KCND2: variants seen among roughly 807,000 people sequenced by gnomAD.
KCND2 encodes the protein A-type voltage-gated potassium channel KCND2.
A neutral mutation model predicts 54.4 loss-of-function variants in KCND2; 16 were observed. The ratio of observed to expected loss-of-function variants is 0.29; its 90% CI spans 0.20 to 0.45. KCND2 has a LOEUF of 0.45. Among genes scored for constraint, KCND2 ranks in the 20% least tolerant of loss-of-function variants. KCND2 has a pLI of 1.00. For missense variants in KCND2, 486 were observed against 824.2 expected (o/e 0.59, Z 5.02); for synonymous variants, 317 against 310.7 (o/e 1.02, Z -0.21).
chr7:120,273,925 A>G lies in KCND2; in HGVS notation c.-708A>G, dbSNP rs3735340. ...GATTGGGCGAACGCTTTTGGCAGACACAGAGGGTGTTTGTAGACGTGGGGG... is the reference window on the plus strand; with the variant it reads ...GATTGGGCGAACGCTTTTGGCAGACGCAGAGGGTGTTTGTAGACGTGGGGG... On this transcript the variant is annotated 5_prime_UTR_variant, in exon 1 of 6. Transcript: ENST00000331113. 10,895 of 153,254 alleles carry G rather than the reference A, an allele frequency of 0.071. 821 individuals are homozygous for G. The highest frequency in any genetic ancestry group is 0.19 in the African/African-American group (7,757 of 41,528). The allele number at this position is 153,254 out of a possible 1,614,324, so 9.5% of individuals were successfully genotyped here.
At chr7:120,361,449 A>G (rs1800591831) in intron 1 of KCND2, among the ~76,000 whole-genome samples, 1 of 151,640 alleles carries the variant, frequency 6.6e-6, no homozygotes, top group African/African-American at 2.4e-5. Flanking sequence ...ACATAAGTCA[A>G]TTTCTCAGTA....
intron 1 of KCND2, among the ~76,000 whole-genome samples, chr7:120,479,441 A>G (rs945756521): frequency 6.6e-6 from 1 of 151,900 alleles, no homozygotes; most frequent in African/African-American, 2.4e-5. Flanking sequence ...TTTGACATTA[A>G]GGTGAAAATT....
At chr7:120,738,231 G>C (rs552088844) in intron 2 of KCND2, among the ~76,000 whole-genome samples, 18 of 152,134 alleles carry the variant, frequency 1.2e-4, no homozygotes, top group African/African-American at 4.3e-4. Flanking sequence ...GTCATATGGT[G>C]TGAGGAACCC....
At chr7:120,360,665 G>A (rs1201878356) in intron 1 of KCND2, among the ~76,000 whole-genome samples, 4 of 151,902 alleles carry the variant, frequency 2.6e-5, no homozygotes, top group Non-Finnish European at 5.9e-5. Context: ...TGTATTTTGG[G>A]TATTTTTCTT....
intron 1 of KCND2, among the ~76,000 whole-genome samples, chr7:120,639,667 T>C (rs988644024): frequency 1.3e-5 from 2 of 152,192 alleles, no homozygotes; most frequent in Non-Finnish European, 2.9e-5. Context: ...TATGCTAATA[T>C]TGAGTAGCAT....
At chr7:120,567,846 G>T (rs774915771) in intron 1 of KCND2, among the ~76,000 whole-genome samples, 6 of 152,078 alleles carry the variant, frequency 3.9e-5, no homozygotes, top group Admixed American at 1.3e-4. Context: ...AATAAAATTA[G>T]ATATTTGTAG....
intron 1 of KCND2, among the ~76,000 whole-genome samples, chr7:120,660,745 C>G (rs544117288): frequency 6.6e-6 from 1 of 152,240 alleles, no homozygotes; most frequent in African/African-American, 2.4e-5. Context: ...TCAAGGAATA[C>G]AGTGCTCTTG....
intron 1 of KCND2, among the ~76,000 whole-genome samples, chr7:120,682,795 A>C (rs1000601624): frequency 6.6e-6 from 1 of 152,158 alleles, no homozygotes; most frequent in Non-Finnish European, 1.5e-5. Context: ...CTCTCTTAAC[A>C]AGAACTCTGA....
chr7:120,275,631 G>A lies in KCND2; in HGVS notation c.999G>A (p.Met333Ile). 1 of 1,609,756 alleles carries A rather than the reference G, an allele frequency of 6.2e-7. No individual in the cohort carries two copies. Among genetic ancestry groups the A allele is most frequent in the Non-Finnish European group, 8.5e-7 (1 of 1,179,982 alleles). ...GCTTCTTGCTTTTCTCGCTCACCAT[G>A]GCTATCATCATCTTCGCTACAGTTA... ...ELGFLLFSLT[M>I]AIIIFATVMF... The change falls in exon 1 of 6, where the codon ATG (methionine) becomes ATA (isoleucine). Residue 333 changes from methionine (M) to isoleucine (I), a missense_variant. This residue lies in a region of KCND2 where 12 missense variants were observed against 67.0 expected (regional missense o/e 0.18). Coordinates refer to ENST00000331113, the MANE Select transcript of KCND2 (RefSeq NM_012281.3).
At chr7:120,384,736 G>GA (rs1281398654) in intron 1 of KCND2, among the ~76,000 whole-genome samples, 1 of 152,020 alleles carries the variant, frequency 6.6e-6, no homozygotes, top group Non-Finnish European at 1.5e-5. Context: ...TATTTTGAAG[G>GA]AAAAAATCCA....
chr7:120,475,343 T>C (rs1802518366), intron 1 of KCND2, among the ~76,000 whole-genome samples: 2 of 152,236 alleles, frequency 1.3e-5, no homozygotes, highest in South Asian at 4.1e-4. Context: ...ATGCACATTG[T>C]ACTTTTCATC....
chr7:120,747,203 T>G (rs1793018069), intron 5 of KCND2, among the ~76,000 whole-genome samples: 1 of 152,102 alleles, frequency 6.6e-6, no homozygotes, highest in Non-Finnish European at 1.5e-5. Context: ...ATTTTTTTAT[T>G]TCTGTAATAT....
At chr7:120,727,003 G>A (rs1792741579) in intron 1 of KCND2, among the ~76,000 whole-genome samples, 1 of 152,128 alleles carries the variant, frequency 6.6e-6, no homozygotes, top group Non-Finnish European at 1.5e-5. Flanking sequence ...TCAATTACAT[G>A]ACTTTTGTTT....
intron 1 of KCND2, among the ~76,000 whole-genome samples, chr7:120,350,906 CA>C (rs1800390343): frequency 6.6e-6 from 1 of 151,956 alleles, no homozygotes; most frequent in East Asian, 1.9e-4. Flanking sequence ...AACTGAAACA[CA>C]AAAATAAGTC....
chr7:120,415,073 C>T (rs1801506345), intron 1 of KCND2, among the ~76,000 whole-genome samples: 1 of 152,156 alleles, frequency 6.6e-6, no homozygotes, highest in South Asian at 2.1e-4. Flanking sequence ...TAGCTAGTAA[C>T]AATAACAATG....
intron 1 of KCND2, among the ~76,000 whole-genome samples, chr7:120,642,919 A>G (rs933951271): frequency 1.3e-5 from 2 of 152,198 alleles, no homozygotes; most frequent in Non-Finnish European, 2.9e-5. Context: ...TTTTTCCACA[A>G]CATGTATCAG....
intron 1 of KCND2, among the ~76,000 whole-genome samples, chr7:120,443,059 G>A (rs1801965568): frequency 6.6e-6 from 1 of 152,016 alleles, no homozygotes; most frequent in Admixed American, 6.6e-5. Flanking sequence ...CTGGGCTGGT[G>A]CCTTCTAGTC....
chr7:120,292,834 A>G (rs910259386), intron 1 of KCND2, among the ~76,000 whole-genome samples: 1 of 151,812 alleles, frequency 6.6e-6, no homozygotes, highest in Non-Finnish European at 1.5e-5. Flanking sequence ...TGCTGGGGTT[A>G]TCTTCCCTAA....
chr7:120,580,326 T>G (rs1299566719), intron 1 of KCND2, among the ~76,000 whole-genome samples: 1 of 152,122 alleles, frequency 6.6e-6, no homozygotes, highest in African/African-American at 2.4e-5. Flanking sequence ...ACCCTTTAGG[T>G]TTGCCTAAAA....
Sources: allele counts gnomAD v4.1 joint callset (sites outside exome capture counted in the v4.1 genomes callset), GRCh38; gene constraint gnomAD v4.1.1; regional missense constraint gnomAD v4.1.1; transcripts MANE v1.5; gene names NCBI Gene and HGNC (gene_info 2026-07-23, HGNC 2026-07-21).